GADL1: variants seen among roughly 807,000 people sequenced by gnomAD.
GADL1 encodes GAD like acidic amino acid decarboxylase 1.
In GADL1, 71 loss-of-function variants were observed where a neutral mutation model predicts 69.5. The observed-to-expected ratio is 1.02, with a 90% CI of 0.84 to 1.25. The LOEUF (loss-of-function observed/expected upper bound fraction) is 1.25, where lower values mean the gene tolerates loss of function less well. GADL1 is among the 50% of genes most tolerant of loss of function. The probability of loss-of-function intolerance (pLI) is 0.00; values close to 1 mark genes in which losing one functional copy is unlikely to be tolerated. For synonymous variants in GADL1, 254 were observed against 214.4 expected, an observed-to-expected ratio of 1.18 and a Z score of -1.62; for missense variants, 737 against 631.8, an observed-to-expected ratio of 1.17 and a Z score of -1.79.
chr3:30,777,207 G>A (rs1057280615), intron 14 of GADL1, among the ~76,000 whole-genome samples: 3 of 151,602 alleles, frequency 2.0e-5, no homozygotes, highest in African/African-American at 7.3e-5. Flanking sequence ...TTTGTTTTTT[G>A]TCTTCTAAGG....
At chr3:30,861,547 T>G in intron 2 of GADL1, 46 bp downstream of exon 2, 2 of 1,403,212 alleles carry the variant, frequency 1.4e-6, no homozygotes, top group Non-Finnish European at 1.9e-6. Context: ...TTGGGGAACA[T>G]CTATCTTTCC....
intron 1 of GADL1, 143 bp from the exon 2 acceptor site, chr3:30,861,908 C>T (rs1406912149): frequency 3.4e-6 from 2 of 596,014 alleles, no homozygotes; most frequent in South Asian, 2.3e-5. Context: ...GTTGAGCTGA[C>T]AATTTCTTAT....
At chr3:30,874,202 A>G (rs961004109) in intron 1 of GADL1, among the ~76,000 whole-genome samples, 16 of 151,926 alleles carry the variant, frequency 1.1e-4, no homozygotes, top group African/African-American at 3.4e-4. Flanking sequence ...CTTCACCTCT[A>G]TATAAAATTG....
At chr3:30,894,180 G>C (rs574321359) in intron 1 of GADL1, among the ~76,000 whole-genome samples, 1 of 152,176 alleles carries the variant, frequency 6.6e-6, no homozygotes, top group Non-Finnish European at 1.5e-5. Context: ...TTATAGAATA[G>C]CTGGCTGCAG....
intron 1 of GADL1, among the ~76,000 whole-genome samples, chr3:30,871,044 TGTG>T (rs1378290267): frequency 2.7e-5 from 3 of 110,478 alleles, no homozygotes; most frequent in Non-Finnish European, 6.3e-5. Flanking sequence ...GGCAGAAAAG[TGTG>T]TGTGTGTGTG....
chr3:30,841,320 T>C (rs558706031), intron 8 of GADL1, among the ~76,000 whole-genome samples: 29 of 152,354 alleles, frequency 1.9e-4, no homozygotes, highest in Admixed American at 1.0e-3. Flanking sequence ...AAGCAATTTT[T>C]ACTTTTCAAA....
chr3:30,819,777 A>AT (rs1418034629), intron 11 of GADL1, among the ~76,000 whole-genome samples: 2 of 152,126 alleles, frequency 1.3e-5, no homozygotes, highest in Non-Finnish European at 2.9e-5. Context: ...GGAATACAAG[A>AT]TAAAAATGAG....
intron 12 of GADL1, among the ~76,000 whole-genome samples, chr3:30,791,604 A>G (rs1308966159): frequency 1.3e-5 from 2 of 152,196 alleles, no homozygotes; most frequent in African/African-American, 4.8e-5. Flanking sequence ...AACAGAGCTG[A>G]ATTATTTCTG....
chr3:30,741,956 CCTAAGCCCACTATGAGGAATT>C (rs1695632731), intron 14 of GADL1, among the ~76,000 whole-genome samples: 1 of 152,146 alleles, frequency 6.6e-6, no homozygotes, highest in South Asian at 2.1e-4. Flanking sequence ...GTTCAACTCT[CCTAAGCCCACTATGAGGAATT>C]CCAGGCCACA....
At chr3:30,751,560 G>A (rs1695818244) in intron 14 of GADL1, among the ~76,000 whole-genome samples, 1 of 151,166 alleles carries the variant, frequency 6.6e-6, no homozygotes, top group African/African-American at 2.4e-5. Flanking sequence ...ATATCTAGTA[G>A]ACTAGAAAAA....
rs529018779 is a variant in GADL1, at chr3:30,728,034, A to T, written c.*208T>A. ...CCTTGAGAAAATCATTTTTTTTTTT[A>T]AACTTTCTTCTTTTAGCAACAGTAA... On this transcript the variant is annotated 3_prime_UTR_variant, in exon 15 of 15. Coordinates refer to ENST00000282538, the MANE Select transcript of GADL1 (RefSeq NM_207359.3). 15 of 435,030 alleles carry T rather than the reference A, an allele frequency of 3.4e-5. No homozygotes were observed. Among genetic ancestry groups the T allele is most frequent in the South Asian group, 1.1e-4 (2 of 18,980 alleles). The allele number at this position is 435,030 out of a possible 1,614,324, so 26.9% of individuals were successfully genotyped here.
rs139888038 is a variant in GADL1 at position 30,839,027 on chromosome 3, G to T, written c.873C>A (p.Cys291Ter). The T allele has an allele frequency of 1.9e-6, 3 of 1,603,900 alleles. No homozygotes were observed. The highest frequency in any genetic ancestry group is 2.6e-6 in the Non-Finnish European group (3 of 1,175,300). The change falls in exon 9 of 15, where the codon TGC (cysteine) becomes TGA (stop). Residue 291 changes from cysteine (C) to a stop codon, truncating the protein, a stop_gained. Transcript: ENST00000282538. LOFTEE classifies it high-confidence loss of function. Reference sequence around the variant, plus strand: ...CATGAAGCCAGAGGCTGTGCCTCTCGCAGATGTCTGCTATTTCATCCAGAG... The same window carrying T: ...CATGAAGCCAGAGGCTGTGCCTCTCTCAGATGTCTGCTATTTCATCCAGAG... ...FDPLDEIADI[C>*]ERHSLWLHVD...
chr3:30,838,596 T>A (rs1697910638), intron 9 of GADL1, among the ~76,000 whole-genome samples: 1 of 151,740 alleles, frequency 6.6e-6, no homozygotes, highest in Non-Finnish European at 1.5e-5. Flanking sequence ...ACATCTACCA[T>A]CCCCCCTCTT....
intron 1 of GADL1, among the ~76,000 whole-genome samples, chr3:30,884,439 C>A (rs79377833): frequency 0.032 from 4,830 of 152,046 alleles, 208 homozygotes; most frequent in African/African-American, 0.099. Flanking sequence ...GAAGCAGAAC[C>A]AAATTCAGTT....
intron 1 of GADL1, among the ~76,000 whole-genome samples, chr3:30,891,986 T>A (rs1246334219): frequency 2.6e-5 from 4 of 152,172 alleles, no homozygotes; most frequent in Non-Finnish European, 5.9e-5. Flanking sequence ...CCATGAAAAC[T>A]AGAGTTTTAC....
chr3:30,817,928 G>A (rs1252098273), intron 11 of GADL1, among the ~76,000 whole-genome samples: 1 of 152,204 alleles, frequency 6.6e-6, no homozygotes, highest in Non-Finnish European at 1.5e-5. Context: ...TTCTTTCTGT[G>A]ATAACTGCTA....
intron 11 of GADL1, among the ~76,000 whole-genome samples, chr3:30,817,660 C>T (rs1697498400): frequency 6.6e-6 from 1 of 152,190 alleles, no homozygotes; most frequent in African/African-American, 2.4e-5. Flanking sequence ...ATTTCACTAC[C>T]TCTCTGGCAA....
At chr3:30,754,926 A>ACCATT (rs1695932500) in intron 14 of GADL1, among the ~76,000 whole-genome samples, 1 of 152,146 alleles carries the variant, frequency 6.6e-6, no homozygotes, top group East Asian at 1.9e-4. Flanking sequence ...TTGATAATAA[A>ACCATT]TGGTCAAATA....
chr3:30,892,608 A>G (rs564785692), intron 1 of GADL1, among the ~76,000 whole-genome samples: 2 of 152,320 alleles, frequency 1.3e-5, no homozygotes, highest in Non-Finnish European at 1.5e-5. Context: ...TACAAGGTAC[A>G]TGCTTAATCT....
Sources: allele counts gnomAD v4.1 joint callset (sites outside exome capture counted in the v4.1 genomes callset), GRCh38; gene constraint gnomAD v4.1.1; transcripts MANE v1.5; gene names NCBI Gene and HGNC (gene_info 2026-07-23, HGNC 2026-07-21).